HPSE2: variants seen among roughly 807,000 people sequenced by gnomAD.
HPSE2 encodes the protein inactive heparanase-2.
HPSE2 carries 38 observed loss-of-function variants against 60.5 expected under a neutral mutation model. That is an observed-to-expected ratio of 0.63 (90% CI 0.48 to 0.82). The LOEUF (loss-of-function observed/expected upper bound fraction) is 0.82, where lower values mean the gene tolerates loss of function less well. Among genes scored for constraint, HPSE2 ranks in the 40% least tolerant of loss-of-function variants. The pLI is 0.00. For synonymous variants in HPSE2, 295 were observed against 293.2 expected (o/e 1.01, Z -0.06); for missense variants, 713 against 740.4 (o/e 0.96, Z 0.43).
chr10:98,897,125 G>A (rs1380500019), intron 3 of HPSE2, among the ~76,000 whole-genome samples: 1 of 152,128 alleles, frequency 6.6e-6, no homozygotes, highest in Non-Finnish European at 1.5e-5. Context: ...ATAAGTGGGA[G>A]CTAAGCTATG....
intron 3 of HPSE2, among the ~76,000 whole-genome samples, chr10:98,841,058 G>T (rs1214085586): frequency 6.6e-6 from 1 of 152,198 alleles, no homozygotes; most frequent in Non-Finnish European, 1.5e-5. Flanking sequence ...AGGAGTTGGA[G>T]ACTGGCCTGG....
intron 3 of HPSE2, among the ~76,000 whole-genome samples, chr10:98,847,135 T>C (rs1386302346): frequency 6.6e-6 from 1 of 152,214 alleles, no homozygotes; most frequent in Non-Finnish European, 1.5e-5. Flanking sequence ...TGACAGAAGA[T>C]ACAAACTCAG....
At chr10:98,656,709 T>C (rs143303581) in intron 6 of HPSE2, among the ~76,000 whole-genome samples, 81 of 152,010 alleles carry the variant, frequency 5.3e-4, no homozygotes, top group East Asian at 4.7e-3. Flanking sequence ...TTATGAAACA[T>C]AGAGTCAAAC....
intron 3 of HPSE2, among the ~76,000 whole-genome samples, chr10:98,904,882 A>G (rs1258641268): frequency 1.3e-5 from 2 of 152,214 alleles, no homozygotes; most frequent in Admixed American, 1.3e-4. Flanking sequence ...GAAATGACAT[A>G]CTCAGTGTAA....
chr10:98,745,156 T>G (rs1026895745), intron 3 of HPSE2, among the ~76,000 whole-genome samples: 3 of 152,172 alleles, frequency 2.0e-5, no homozygotes, highest in Non-Finnish European at 4.4e-5. Flanking sequence ...AAGCCGCGAT[T>G]GCGCCACTGT....
chr10:99,257,967 C>A, the HPSE2 span, among the ~76,000 whole-genome samples: 1 of 151,968 alleles, frequency 6.6e-6, no homozygotes, highest in African/African-American at 2.4e-5. Flanking sequence ...TCTCCCGATA[C>A]CTGTCTCTAC....
intron 2 of HPSE2, among the ~76,000 whole-genome samples, chr10:99,205,637 T>C (rs1413281790): frequency 1.3e-5 from 2 of 152,106 alleles, no homozygotes; most frequent in African/African-American, 2.4e-5. Flanking sequence ...CATAAAAATA[T>C]ACATATATAT....
At chr10:98,996,924 T>G (rs1956654032) in intron 3 of HPSE2, among the ~76,000 whole-genome samples, 1 of 152,146 alleles carries the variant, frequency 6.6e-6, no homozygotes. Context: ...GATGAAAACG[T>G]ACTGGGTGCT....
chr10:99,197,094 ATTATG>A (rs2133874807), intron 2 of HPSE2, among the ~76,000 whole-genome samples: 1 of 152,306 alleles, frequency 6.6e-6, no homozygotes, highest in African/African-American at 2.4e-5. Flanking sequence ...AATAGAAATC[ATTATG>A]TTAAGTGAAA....
At chr10:98,504,668 T>G (rs1942138229) in intron 9 of HPSE2, among the ~76,000 whole-genome samples, 1 of 151,984 alleles carries the variant, frequency 6.6e-6, no homozygotes, top group African/African-American at 2.4e-5. Context: ...CAAGCACCTG[T>G]AGTCCCCGCT....
At position 99,096,891 on chromosome 10, in the gene HPSE2, T is replaced by C. The variant is rs1231243817; in HGVS notation, c.610+47347A>G. 3.3e-5 allele frequency among the ~76,000 whole-genome samples: 5 copies of C among 152,180 alleles called. No homozygotes were observed. In the East Asian group the frequency reaches 7.7e-4, roughly 23 times the overall value. On this transcript the variant is annotated intron_variant, in intron 3 of 11. Coordinates refer to ENST00000370552, the MANE Select transcript of HPSE2 (RefSeq NM_021828.5). ...GAGGCAGCTGGCTGGCTCAGAGCTA[T>C]CCACACTGCATGGCAGAGACTTGAG...
At chr10:99,034,768 C>T (rs1957573870) in intron 3 of HPSE2, among the ~76,000 whole-genome samples, 1 of 152,166 alleles carries the variant, frequency 6.6e-6, no homozygotes, top group Admixed American at 6.5e-5. Flanking sequence ...CTCCTACACA[C>T]CTAGGCTATG....
intron 3 of HPSE2, among the ~76,000 whole-genome samples, chr10:98,940,501 T>C (rs1954958986): frequency 6.9e-6 from 1 of 144,026 alleles, no homozygotes; most frequent in African/African-American, 2.8e-5. Flanking sequence ...GATAAATTCC[T>C]CCACACATAC....
chr10:99,006,041 A>G (rs754944030), intron 3 of HPSE2, among the ~76,000 whole-genome samples: 1 of 152,148 alleles, frequency 6.6e-6, no homozygotes, highest in Non-Finnish European at 1.5e-5. Flanking sequence ...AGCCTAGGTC[A>G]CAGAGGGTAG....
intron 2 of HPSE2, among the ~76,000 whole-genome samples, chr10:99,177,712 A>C (rs1847584783): frequency 6.6e-6 from 1 of 152,164 alleles, no homozygotes; most frequent in Admixed American, 6.5e-5. Flanking sequence ...AGACAGATCA[A>C]TGAGACAGAA....
chr10:98,549,289 A>G (rs749329397), intron 9 of HPSE2, among the ~76,000 whole-genome samples: 1 of 152,180 alleles, frequency 6.6e-6, no homozygotes, highest in Non-Finnish European at 1.5e-5. Context: ...AAAATTAAAT[A>G]CTTCTAGACT....
At chr10:98,536,263 T>A (rs1053934472) in intron 9 of HPSE2, among the ~76,000 whole-genome samples, 1 of 152,240 alleles carries the variant, frequency 6.6e-6, no homozygotes, top group East Asian at 1.9e-4. Flanking sequence ...AGAATCAGAG[T>A]CATGGTGGAG....
At chr10:98,804,124 A>G (rs1429504774) in intron 3 of HPSE2, among the ~76,000 whole-genome samples, 7 of 152,026 alleles carry the variant, frequency 4.6e-5, no homozygotes, top group African/African-American at 1.2e-4. Flanking sequence ...CCCTCTGTTT[A>G]TCTGTTATTA....
intron 2 of HPSE2, among the ~76,000 whole-genome samples, chr10:99,229,100 G>A (rs1460601120): frequency 6.6e-6 from 1 of 151,842 alleles, no homozygotes; most frequent in Non-Finnish European, 1.5e-5. Flanking sequence ...ACTCTACCTG[G>A]GAGGTAGAGA....
Sources: allele counts gnomAD v4.1 joint callset (sites outside exome capture counted in the v4.1 genomes callset), GRCh38; gene constraint gnomAD v4.1.1; transcripts MANE v1.5; gene names NCBI Gene and HGNC (gene_info 2026-07-23, HGNC 2026-07-21).